Variants in B3GALT1 observed in about 807,000 individuals in gnomAD.
B3GALT1 encodes the protein UDP-Gal:betaGlcNAc beta 1,3-galactosyltransferase, polypeptide 1.
Under a neutral mutation model 23.2 loss-of-function variants are expected in B3GALT1, and 10 were observed. That is an observed-to-expected ratio of 0.43 (90% CI 0.27 to 0.73). The LOEUF is 0.73. B3GALT1 is among the 30% of genes least tolerant of loss of function. B3GALT1 has a pLI of 0.21. For synonymous variants in B3GALT1, 156 were observed against 141.5 expected (o/e 1.10, Z -0.73); for missense variants, 299 against 405.4 (o/e 0.74, Z 2.25).
intron 3 of B3GALT1, among the ~76,000 whole-genome samples, chr2:167,810,198 A>G (rs186040549): frequency 1.3e-5 from 2 of 151,064 alleles, no homozygotes; most frequent in African/African-American, 4.9e-5. Context: ...TTTGACTAGG[A>G]AAGGGAATTC....
intron 1 of B3GALT1, among the ~76,000 whole-genome samples, chr2:167,480,914 C>G (rs976572257): frequency 2.0e-5 from 3 of 152,164 alleles, no homozygotes; most frequent in African/African-American, 7.2e-5. Context: ...CTCTCCTCTT[C>G]AGTGCTGTAG....
chr2:167,718,818 A>G (rs1179647254), intron 3 of B3GALT1, among the ~76,000 whole-genome samples: 1 of 152,100 alleles, frequency 6.6e-6, no homozygotes, highest in Admixed American at 6.5e-5. Context: ...TCAGGGGAGA[A>G]AGGAGGGAGA....
intron 2 of B3GALT1, among the ~76,000 whole-genome samples, chr2:167,553,394 G>A (rs1683783672): frequency 6.6e-6 from 1 of 152,182 alleles, no homozygotes; most frequent in African/African-American, 2.4e-5. Context: ...CTTTTCACAT[G>A]AGGAAATTGA....
At chr2:167,401,690 G>T (rs1698195045) in intron 1 of B3GALT1, among the ~76,000 whole-genome samples, 1 of 152,150 alleles carries the variant, frequency 6.6e-6, no homozygotes, top group Admixed American at 6.6e-5. Context: ...TCTCTTCAAA[G>T]AAATCCTTCT....
At position 167,781,606 on chromosome 2, in the gene B3GALT1, A is replaced by G. The variant is rs138964756; in HGVS notation, c.-351-37066A>G. Among the ~76,000 whole-genome samples, 481 of 152,334 alleles carry G rather than the reference A, an allele frequency of 3.2e-3. 6 individuals carry two copies. The highest frequency in any genetic ancestry group is 0.011 in the African/African-American group (450 of 41,572). On this transcript the variant is annotated intron_variant, in intron 3 of 4. Coordinates refer to ENST00000392690, the MANE Select transcript of B3GALT1 (RefSeq NM_020981.4). ...TCAAAGTTTGGTGTTATTTCCTCAC[A>G]GTATTTCCAGATTATTTCTGAGTGG...
chr2:167,704,183 C>CAAAAAAAAAAAAA (rs5836157), intron 3 of B3GALT1, among the ~76,000 whole-genome samples: 1 of 112,926 alleles, frequency 8.9e-6, no homozygotes, highest in Non-Finnish European at 1.7e-5. Flanking sequence ...TCAGTCTCAA[C>CAAAAAAAAAAAAA]AAAAAAAAAA....
chr2:167,347,721 A>G (rs762057010), intron 1 of B3GALT1, among the ~76,000 whole-genome samples: 46 of 152,126 alleles, frequency 3.0e-4, no homozygotes, highest in Non-Finnish European at 5.0e-4. Context: ...CTGCAATTCT[A>G]TCATTCTTGC....
intron 2 of B3GALT1, among the ~76,000 whole-genome samples, chr2:167,625,983 A>ATG (rs2105443154): frequency 1.5e-5 from 2 of 137,210 alleles, no homozygotes; most frequent in East Asian, 4.2e-4. Flanking sequence ...ATATATATAT[A>ATG]TATGACCTAA....
At chr2:167,396,534 ATGTG>A (rs67013700) in intron 1 of B3GALT1, among the ~76,000 whole-genome samples, 86,356 of 141,948 alleles carry the variant, frequency 0.61, 27,841 homozygotes, top group Non-Finnish European at 0.74. Context: ...ATATATATAT[ATGTG>A]TGTGTGTGTG....
At chr2:167,781,210 AT>A (rs1251919043) in intron 3 of B3GALT1, among the ~76,000 whole-genome samples, 3 of 152,198 alleles carry the variant, frequency 2.0e-5, no homozygotes, top group African/African-American at 7.2e-5. Flanking sequence ...AATTTTTAGT[AT>A]TTTTTAATAC....
At chr2:167,354,597 G>A (rs968752151) in intron 1 of B3GALT1, among the ~76,000 whole-genome samples, 2 of 151,964 alleles carry the variant, frequency 1.3e-5, no homozygotes, top group East Asian at 1.9e-4. Flanking sequence ...CACCCGCCTC[G>A]GCCTCCCAAA....
At chr2:167,502,098 T>C (rs1699856754) in intron 2 of B3GALT1, among the ~76,000 whole-genome samples, 1 of 152,234 alleles carries the variant, frequency 6.6e-6, no homozygotes. Context: ...GAAAGTTTCC[T>C]GAAAGGCACT....
At chr2:167,622,191 A>G (rs1012148374) in intron 2 of B3GALT1, among the ~76,000 whole-genome samples, 1 of 152,084 alleles carries the variant, frequency 6.6e-6, no homozygotes, top group African/African-American at 2.4e-5. Flanking sequence ...TAGTTTGGAA[A>G]TTGAACCACT....
chr2:167,448,575 C>G (rs1223957699), intron 1 of B3GALT1, among the ~76,000 whole-genome samples: 1 of 152,142 alleles, frequency 6.6e-6, no homozygotes, highest in Non-Finnish European at 1.5e-5. Flanking sequence ...TCTGTTTACT[C>G]TGCTGATTAT....
At chr2:167,519,365 A>G (rs1700153463) in intron 2 of B3GALT1, among the ~76,000 whole-genome samples, 1 of 152,128 alleles carries the variant, frequency 6.6e-6, no homozygotes, top group Non-Finnish European at 1.5e-5. Flanking sequence ...GAGCAATACC[A>G]AACTTAAAAA....
At chr2:167,840,239 G>C (rs1443522788) in intron 4 of B3GALT1, among the ~76,000 whole-genome samples, 1 of 151,920 alleles carries the variant, frequency 6.6e-6, no homozygotes, top group African/African-American at 2.4e-5. Flanking sequence ...AGAGTGAACA[G>C]GCAACCCACA....
At position 167,351,900 on chromosome 2, in the gene B3GALT1, A is replaced by G. The variant is rs921215308; in HGVS notation, c.-511+58566A>G. Among the ~76,000 whole-genome samples, 8 of 151,984 alleles carry G rather than the reference A, an allele frequency of 5.3e-5. No homozygotes were observed. The South Asian group carries it at 1.7e-3, about 31-fold the overall frequency. On this transcript the variant is annotated intron_variant, in intron 1 of 4. Transcript: ENST00000392690. ...ATGTGGTTGTGAATTAATAGCAGTG[A>G]CTACAGGTGAACAACAGAATCTTCC... is the stretch of plus-strand genomic sequence containing the variant.
chr2:167,512,570 ATATATATATGTATATATATATGTG>A lies in B3GALT1; in HGVS notation c.-410+22303_-410+22326del, dbSNP rs1246525290. ...TGTATATATATGTATATATATATGT[ATATATATATGTATATATATATGTG>A]TATATATATATATGTATATATATAT... On this transcript the variant is annotated intron_variant, in intron 2 of 4. Coordinates refer to ENST00000392690, the MANE Select transcript of B3GALT1 (RefSeq NM_020981.4). Among the ~76,000 whole-genome samples the A allele has an allele frequency of 5.5e-5, 5 of 91,162 alleles. 1 individual carries two copies. The highest frequency in any genetic ancestry group is 8.4e-5 in the Non-Finnish European group (4 of 47,530). The allele number at this position is 91,162 out of a possible 152,430, so 59.8% of individuals were successfully genotyped here. A position where few individuals can be genotyped will look rare whatever the true frequency, so the allele number is the denominator to read the frequency against.
intron 1 of B3GALT1, among the ~76,000 whole-genome samples, chr2:167,310,599 G>C (rs1292142536): frequency 6.6e-6 from 1 of 152,080 alleles, no homozygotes; most frequent in Non-Finnish European, 1.5e-5. Context: ...AATGGCCTAA[G>C]TGGGAGTAGT....
Sources: gnomAD v4.1 joint callset for allele counts (sites outside exome capture counted in the v4.1 genomes callset) on GRCh38, gnomAD v4.1.1 for gene constraint, MANE v1.5 for transcripts, NCBI Gene and HGNC (gene_info 2026-07-23, HGNC 2026-07-21) for gene names.